The following KIAA1671 variants were observed in gnomAD, a reference collection of about 807,000 sequenced individuals.
KIAA1671 encodes the protein uncharacterized protein KIAA1671.
In KIAA1671, 52 loss-of-function variants were observed where a neutral mutation model predicts 131.2. That is an observed-to-expected ratio of 0.40 (90% CI 0.32 to 0.50). The LOEUF (loss-of-function observed/expected upper bound fraction) is 0.50, where lower values mean the gene tolerates loss of function less well. KIAA1671 is among the 20% of genes least tolerant of loss of function. The pLI is 0.73. For missense variants in KIAA1671, 2,360 were observed against 2,364.2 expected (o/e 1.00, Z 0.04); for synonymous variants, 1,003 against 961.6 (o/e 1.04, Z -0.80).
At chr22:25,105,827 G>C (rs1002190476) in intron 6 of KIAA1671, among the ~76,000 whole-genome samples, 3 of 151,844 alleles carry the variant, frequency 2.0e-5, no homozygotes, top group Admixed American at 6.6e-5. Flanking sequence ...GTTGGGGGGG[G>C]GGGGTGCCAA....
At chr22:25,166,534 C>T (rs899020395) in intron 6 of KIAA1671, among the ~76,000 whole-genome samples, 1 of 152,138 alleles carries the variant, frequency 6.6e-6, no homozygotes, top group African/African-American at 2.4e-5. Context: ...TTCCATCACT[C>T]AGCCCTGAGG....
intron 6 of KIAA1671, among the ~76,000 whole-genome samples, chr22:25,140,959 C>G (rs1932798487): frequency 6.6e-6 from 1 of 152,106 alleles, no homozygotes; most frequent in African/African-American, 2.4e-5. Context: ...ATTTTTCAGG[C>G]TCTTCCTGGG....
At chr22:25,038,684 A>G (rs1000596433) in intron 4 of KIAA1671, 76 bp from the exon 5 acceptor site, 71 of 1,388,428 alleles carry the variant, frequency 5.1e-5, no homozygotes, top group South Asian at 7.5e-5. Context: ...CAGCCCTTTC[A>G]ATTACTCCAC....
intron 6 of KIAA1671, among the ~76,000 whole-genome samples, chr22:25,093,277 T>TGCTTCACAGCCTAGGAACCA (rs1930111349): frequency 1.3e-5 from 2 of 152,184 alleles, no homozygotes; most frequent in African/African-American, 4.8e-5. Flanking sequence ...AGCCTAGCTA[T>TGCTTCACAGCCTAGGAACCA]GCTTCACAGC....
intron 1 of KIAA1671, among the ~76,000 whole-genome samples, chr22:24,979,631 G>A (rs570687223): frequency 2.0e-5 from 3 of 150,908 alleles, no homozygotes; most frequent in Non-Finnish European, 4.4e-5. Context: ...TTACAGGCGT[G>A]AGCCACCGCG....
chr22:24,976,102 C>T (rs1358230637), intron 1 of KIAA1671, among the ~76,000 whole-genome samples: 3 of 152,234 alleles, frequency 2.0e-5, no homozygotes, highest in Non-Finnish European at 4.4e-5. Flanking sequence ...TCCCACTCCC[C>T]ACCCGTAGCC....
chr22:25,101,915 G>C (rs574749717), intron 6 of KIAA1671, among the ~76,000 whole-genome samples: 1 of 152,170 alleles, frequency 6.6e-6, no homozygotes, highest in Admixed American at 6.5e-5. Context: ...ATTCGGTAGG[G>C]GTTACATAGG....
intron 1 of KIAA1671, among the ~76,000 whole-genome samples, chr22:24,987,478 A>T (rs1432872077): frequency 6.6e-6 from 1 of 151,488 alleles, no homozygotes; most frequent in East Asian, 1.9e-4. Context: ...GCCTATTATT[A>T]TTTTTTGAGA....
intron 6 of KIAA1671, among the ~76,000 whole-genome samples, chr22:25,155,037 CTCTG>C (rs138959363): frequency 9.1e-4 from 138 of 152,360 alleles, no homozygotes; most frequent in Non-Finnish European, 1.2e-3. Flanking sequence ...CTCTCCCCCA[CTCTG>C]TCTGAGGCCC....
rs1926103831 is a variant in KIAA1671 at position 25,028,743 on chromosome 22, G to A, written c.744G>A (p.Thr248=). ...LKRRPVSAIF[T]ESIQPQKPGP... Reference sequence around the variant, plus strand: ...GAAGGCCCGTGTCTGCCATTTTCACGGAGTCCATTCAGCCTCAGAAGCCAG... The same window carrying A: ...GAAGGCCCGTGTCTGCCATTTTCACAGAGTCCATTCAGCCTCAGAAGCCAG... The change falls in exon 3 of 13, where the codon ACG becomes ACA. Residue 248 remains threonine (T), a synonymous_variant. Transcript: ENST00000358431. 4 of 1,551,264 alleles carry A rather than the reference G, an allele frequency of 2.6e-6. No individual in the cohort carries two copies. The highest frequency in any genetic ancestry group is 2.4e-5 in the East Asian group (1 of 40,922).
rs566642897 is a variant in KIAA1671 at position 25,147,963 on chromosome 22, T to C, written c.4531-22857T>C. ...ATTCTAGGATCTGTCCTTCCTCCTT[T>C]CCTTTCCTCCCTTCCCCTCCCTCCC... On this transcript the variant is annotated intron_variant, in intron 6 of 12. Coordinates refer to ENST00000358431, the MANE Select transcript of KIAA1671 (RefSeq NM_001145206.2). Among the ~76,000 whole-genome samples the C allele has an allele frequency of 2.6e-5, 4 of 151,670 alleles. No homozygotes were observed. In the South Asian group the frequency reaches 8.4e-4, roughly 32 times the overall value.
intron 6 of KIAA1671, among the ~76,000 whole-genome samples, chr22:25,141,509 G>A (rs1247902308): frequency 6.6e-6 from 1 of 152,092 alleles, no homozygotes; most frequent in Admixed American, 6.6e-5. Flanking sequence ...TGGGATTACA[G>A]GTGTGAGCCA....
chr22:24,991,623 A>ATTTT (rs34846801), intron 1 of KIAA1671, among the ~76,000 whole-genome samples: 23 of 128,866 alleles, frequency 1.8e-4, no homozygotes, highest in African/African-American at 3.9e-4. Flanking sequence ...CGCCCGGCTA[A>ATTTT]TTTTTTTTTT....
At chr22:25,122,954 G>A (rs577878700) in intron 6 of KIAA1671, among the ~76,000 whole-genome samples, 37 of 151,950 alleles carry the variant, frequency 2.4e-4, no homozygotes, top group Non-Finnish European at 1.6e-4. Flanking sequence ...CAGCCGGGGC[G>A]ACAGAGCAAG....
chr22:25,042,463 G>GTTTTTTTTT (rs3063202), intron 5 of KIAA1671, among the ~76,000 whole-genome samples: 1 of 104,892 alleles, frequency 9.5e-6, no homozygotes, highest in Non-Finnish European at 1.8e-5. Context: ...GCAGTCCCTT[G>GTTTTTTTTT]TTTTTTTTTT....
At chr22:25,164,388 G>T (rs1451275545) in intron 6 of KIAA1671, among the ~76,000 whole-genome samples, 1 of 152,178 alleles carries the variant, frequency 6.6e-6, no homozygotes, top group African/African-American at 2.4e-5. Flanking sequence ...GACTCAGGGG[G>T]TCCGTCCAGG....
intron 9 of KIAA1671, among the ~76,000 whole-genome samples, chr22:25,180,391 A>G (rs1374229937): frequency 6.6e-6 from 1 of 152,188 alleles, no homozygotes; most frequent in East Asian, 1.9e-4. Flanking sequence ...ATACAAAAAT[A>G]GCTGGGCATG....
At chr22:25,185,178 A>G in intron 11 of KIAA1671, 59 bp downstream of exon 11, 1 of 1,465,152 alleles carries the variant, frequency 6.8e-7, no homozygotes, top group South Asian at 1.4e-5. Context: ...ATACTTCTAG[A>G]GAGGTGCTCG....
Position 25,037,734 on chromosome 22 carries a change from C to T in KIAA1671, c.1630-1026C>T, listed in dbSNP as rs561305370. Among the ~76,000 whole-genome samples, 20 of 152,138 alleles carry T rather than the reference C, an allele frequency of 1.3e-4. No individual in the cohort carries two copies. The South Asian group carries it at 4.1e-3, about 32-fold the overall frequency. On this transcript the variant is annotated intron_variant, in intron 4 of 12. Coordinates refer to ENST00000358431, the MANE Select transcript of KIAA1671 (RefSeq NM_001145206.2). ...ATATATATTTATATTTATATATATG[C>T]TGTATATAAATGGAGTCTTATATAG...
Sources: gnomAD v4.1 joint callset for allele counts (sites outside exome capture counted in the v4.1 genomes callset) on GRCh38, gnomAD v4.1.1 for gene constraint, MANE v1.5 for transcripts, NCBI Gene and HGNC (gene_info 2026-07-23, HGNC 2026-07-21) for gene names.